Variants in MSANTD3 observed in about 807,000 individuals in gnomAD.
MSANTD3 encodes the protein Myb/SANT DNA binding domain containing 3, also known as myb/SANT-like DNA-binding domain-containing protein 3.
MSANTD3 carries 11 observed loss-of-function variants against 27.7 expected under a neutral mutation model. The ratio of observed to expected loss-of-function variants is 0.40; its 90% CI spans 0.25 to 0.66. The LOEUF is 0.66. MSANTD3 is among the 30% of genes least tolerant of loss of function. The pLI, the probability that MSANTD3 is intolerant of heterozygous loss-of-function variation, is 0.41. For missense variants in MSANTD3, 250 were observed against 336.5 expected, an observed-to-expected ratio of 0.74 and a Z score of 2.01; for synonymous variants, 131 against 127.2, an observed-to-expected ratio of 1.03 and a Z score of -0.20.
At chr9:100,441,694 G>A (rs1371340347) in intron 1 of MSANTD3, among the ~76,000 whole-genome samples, 2 of 152,158 alleles carry the variant, frequency 1.3e-5, no homozygotes, top group African/African-American at 4.8e-5. Context: ...GATAGTCACA[G>A]TATAGCCACA....
intron 1 of MSANTD3, among the ~76,000 whole-genome samples, chr9:100,434,221 T>C (rs1390270602): frequency 6.6e-6 from 1 of 152,232 alleles, no homozygotes; most frequent in Non-Finnish European, 1.5e-5. Context: ...CCTGCTCATT[T>C]CTTCCTTTGA....
intron 1 of MSANTD3, among the ~76,000 whole-genome samples, chr9:100,436,505 CAA>C (rs1192220003): frequency 6.6e-6 from 1 of 152,210 alleles, no homozygotes; most frequent in Non-Finnish European, 1.5e-5. Flanking sequence ...ACAGCAGACA[CAA>C]GAGATAATGG....
At chr9:100,450,457 A>G in intron 2 of MSANTD3, 100 bp from the exon 3 acceptor site, 1 of 1,100,924 alleles carries the variant, frequency 9.1e-7, no homozygotes, top group Non-Finnish European at 1.3e-6. Context: ...TTTTAGATAC[A>G]TCCTGTAATG....
At chr9:100,430,891 G>A (rs562234790) in intron 1 of MSANTD3, among the ~76,000 whole-genome samples, 1 of 152,326 alleles carries the variant, frequency 6.6e-6, no homozygotes, top group Non-Finnish European at 1.5e-5. Context: ...CCATAGTGGG[G>A]CACAGAGGTG....
At chr9:100,436,896 C>T (rs1564247947) in intron 1 of MSANTD3, among the ~76,000 whole-genome samples, 1 of 152,144 alleles carries the variant, frequency 6.6e-6, no homozygotes, top group Non-Finnish European at 1.5e-5. Flanking sequence ...CCTCCGCCTC[C>T]CAGGTTCAAA....
chr9:100,448,985 T>C (rs1272272954), intron 2 of MSANTD3: 1 of 985,310 alleles, frequency 1.0e-6, no homozygotes, highest in African/African-American at 1.7e-5. Context: ...CAGGGTATTA[T>C]GAGTTAGGTT....
At chr9:100,428,793 G>A (rs1191503843) in intron 1 of MSANTD3, among the ~76,000 whole-genome samples, 1 of 152,122 alleles carries the variant, frequency 6.6e-6, no homozygotes, top group Non-Finnish European at 1.5e-5. Context: ...AAATACAAAG[G>A]TCTCACTGAT....
At chr9:100,438,431 T>A (rs56020062) in intron 1 of MSANTD3, among the ~76,000 whole-genome samples, 7,385 of 152,198 alleles carry the variant, frequency 0.049, 390 homozygotes, top group South Asian at 0.24. Context: ...TTAGAAAGTG[T>A]GTGTGTGTGT....
intron 1 of MSANTD3, among the ~76,000 whole-genome samples, chr9:100,431,715 C>G (rs1198391464): frequency 1.3e-5 from 2 of 152,094 alleles, no homozygotes; most frequent in Non-Finnish European, 2.9e-5. Context: ...ATAGGGAGAG[C>G]CTTCAGGATA....
rs774264559 is a variant in MSANTD3, at chr9:100,450,624, T to C, written c.486T>C (p.Cys162=). The change falls in exon 3 of 3, where the codon TGT becomes TGC. Residue 162 remains cysteine, a synonymous_variant. Transcript: ENST00000395067. ...DEKEFIHFPV[C]EGTSQPEPSC... ...AAGAGTTCATACATTTTCCAGTATG[T>C]GAGGGGACCTCTCAACCTGAACCCT... The C allele has an allele frequency of 6.2e-7, 1 of 1,612,524 alleles. No individual in the cohort carries two copies. Among genetic ancestry groups the C allele is most frequent in the Non-Finnish European group, 8.5e-7 (1 of 1,179,608 alleles).
rs529362356 is a variant in MSANTD3, at chr9:100,440,780, CTTTTTTTTTT to C, written c.-33-1108_-33-1099del. Among the ~76,000 whole-genome samples, 32 of 85,696 alleles carry C rather than the reference CTTTTTTTTTT, an allele frequency of 3.7e-4. 1 individual carries two copies. The highest frequency in any genetic ancestry group is 8.4e-4 in the Admixed American group (6 of 7,108). 56.2% of individuals were successfully genotyped at this position (85,696 alleles called of 152,430 possible). On this transcript the variant is annotated intron_variant, in intron 1 of 2. Transcript: ENST00000395067. ...TATTTTTTTTTCTTCTTTTTCTTCC[CTTTTTTTTTT>C]TTTTTTTTTTTTTTTTTAGAGACAG...
chr9:100,441,851 A>G, intron 1 of MSANTD3, 55 bp from the exon 2 acceptor site: 1 of 1,504,144 alleles, frequency 6.6e-7, no homozygotes, highest in Non-Finnish European at 8.9e-7. Context: ...TCAGTGATTT[A>G]TAGGCATTGT....
chr9:100,439,274 A>C (rs1836546874), intron 1 of MSANTD3, among the ~76,000 whole-genome samples: 1 of 152,190 alleles, frequency 6.6e-6, no homozygotes, highest in Non-Finnish European at 1.5e-5. Context: ...TCACAACTAC[A>C]GAAACCCCTT....
intron 1 of MSANTD3, among the ~76,000 whole-genome samples, chr9:100,441,176 C>T (rs1440341000): frequency 2.6e-5 from 4 of 151,150 alleles, no homozygotes; most frequent in Non-Finnish European, 4.4e-5. Context: ...CCTCGTGGTC[C>T]GCCTGCCTCA....
chr9:100,441,426 T>C (rs900316000), intron 1 of MSANTD3, among the ~76,000 whole-genome samples: 7 of 151,030 alleles, frequency 4.6e-5, no homozygotes, highest in African/African-American at 1.7e-4. Flanking sequence ...TTGAGGTCAG[T>C]AGTTCGAGAC....
rs750365142 is a variant in MSANTD3, at chr9:100,442,221, C to T, written c.283C>T (p.Arg95Trp). The T allele has an allele frequency of 6.2e-6, 10 of 1,613,848 alleles. No individual in the cohort carries two copies. Among genetic ancestry groups the T allele is most frequent in the Non-Finnish European group, 7.6e-6 (9 of 1,180,012 alleles). The stretch of plus-strand genomic sequence containing the variant: ...CCATGAAAGGAGAGAGAAAGTGAAA[C>T]GGAGCGTCAGCCCTCTCCTGAGTAC... ...MAHERREKVK[R>W]SVSPLLSTHV... is the part of the protein sequence containing the mutation. The change falls in exon 2 of 3, where the codon CGG becomes TGG. Residue 95 changes from arginine (R) to tryptophan (W), a missense_variant. By Grantham distance (101) the Arg-to-Trp change is moderately radical. Around this residue, in one of 3 missense-constraint regions of MSANTD3, gnomAD observed 235 missense variants for 299.3 expected, o/e 0.79. Transcript: ENST00000395067.
chr9:100,442,435 A>T lies in MSANTD3; in HGVS notation c.418+79A>T, dbSNP rs1836650822. ...TTTAATTTTAAAACCCTCCACTTTG[A>T]GGGAACTTCTAAAAATGAAACTTTT... On this transcript the variant is annotated intron_variant, in intron 2 of 2. Transcript: ENST00000395067. 1.2e-5 allele frequency: 18 copies of T among 1,506,146 alleles called. No individual in the cohort carries two copies. The South Asian group carries it at 2.0e-4, about 17-fold the overall frequency. The allele number at this position is 1,506,146 out of a possible 1,614,324, so 93.3% of individuals were successfully genotyped here.
chr9:100,449,052 C>T lies in MSANTD3; in HGVS notation c.419-1505C>T, dbSNP rs76872027. On this transcript the variant is annotated intron_variant, in intron 2 of 2. Transcript: ENST00000395067. ...TCATCTTCCAGAATAACGGAGTGGA[C>T]GTAATAATGTAATCAACTATGTTAA... The T allele has an allele frequency of 6.1e-3, 6,002 of 985,116 alleles. 253 individuals are homozygous for T. The African/African-American group carries it at 0.095, about 16-fold the overall frequency. 61.0% of individuals were successfully genotyped at this position (985,116 alleles called of 1,614,324 possible).
At chr9:100,443,607 G>A (rs561908196) in intron 2 of MSANTD3, among the ~76,000 whole-genome samples, 2 of 152,104 alleles carry the variant, frequency 1.3e-5, no homozygotes, top group East Asian at 3.9e-4. Flanking sequence ...CCATTAAAAA[G>A]AGAAAAATAT....
Sources: allele counts gnomAD v4.1 joint callset (sites outside exome capture counted in the v4.1 genomes callset), GRCh38; gene constraint gnomAD v4.1.1; regional missense constraint gnomAD v4.1.1; transcripts MANE v1.5; gene names NCBI Gene and HGNC (gene_info 2026-07-23, HGNC 2026-07-21).